ITSN1: variants seen among roughly 807,000 people sequenced by gnomAD.
The protein encoded by ITSN1 is intersectin 1.
A neutral mutation model predicts 239.8 loss-of-function variants in ITSN1; 58 were observed. The ratio of observed to expected loss-of-function variants is 0.24; its 90% CI spans 0.20 to 0.30. The LOEUF (loss-of-function observed/expected upper bound fraction) is 0.30. ITSN1 is among the 10% of genes least tolerant of loss of function. The probability of loss-of-function intolerance (pLI) is 1.00; values close to 1 mark genes in which losing one functional copy is unlikely to be tolerated. For synonymous variants in ITSN1, 780 were observed against 770.8 expected, an observed-to-expected ratio of 1.01 and a Z score of -0.20; for missense variants, 1,558 against 2,103.3, an observed-to-expected ratio of 0.74 and a Z score of 5.07.
At chr21:33,813,823 CTTT>C (rs764000502) in intron 21 of ITSN1, 87 bp from the exon 22 acceptor site, 344 of 928,842 alleles carry the variant, frequency 3.7e-4, no homozygotes, top group South Asian at 7.2e-4. Context: ...GGAGTGCTTG[CTTT>C]TTTTTTTTTT....
intron 27 of ITSN1, among the ~76,000 whole-genome samples, chr21:33,831,124 T>C (rs1302027568): frequency 6.6e-6 from 1 of 152,166 alleles, no homozygotes; most frequent in East Asian, 1.9e-4. Flanking sequence ...ATACAGAAAG[T>C]GTGTCTCCCT....
At position 33,818,498 on chromosome 21, in the gene ITSN1, T is replaced by C. The variant is rs2236613; in HGVS notation, c.2933+26T>C. The C allele has an allele frequency of 0.097, 152,159 of 1,567,004 alleles. 10,104 individuals carry two copies. The highest frequency in any genetic ancestry group is 0.28 in the Admixed American group (16,613 of 59,932). ...GTATTTTTGTATTTATCTGCTTGTA[T>C]TTGATGAAAACAATATTAGGCGTTA... On this transcript the variant is annotated intron_variant, in intron 23 of 39. Coordinates refer to ENST00000381318, the MANE Select transcript of ITSN1 (RefSeq NM_003024.3).
chr21:33,819,486 TG>T (rs1159503983), intron 24 of ITSN1, among the ~76,000 whole-genome samples, 163 bp downstream of exon 24: 2 of 152,244 alleles, frequency 1.3e-5, no homozygotes, highest in African/African-American at 2.4e-5. Context: ...GAGTACTTCA[TG>T]GAAAATACTG....
At chr21:33,672,937 C>G (rs1470101282) in intron 1 of ITSN1, among the ~76,000 whole-genome samples, 2 of 152,196 alleles carry the variant, frequency 1.3e-5, no homozygotes, top group Non-Finnish European at 2.9e-5. Flanking sequence ...GTCTCGATCT[C>G]TTGACCTCGT....
intron 5 of ITSN1, chr21:33,735,562 T>G: frequency 3.7e-6 from 1 of 270,050 alleles, no homozygotes; most frequent in Non-Finnish European, 7.1e-6. Context: ...AATGTCTGTT[T>G]CTCCTTGTGC....
intron 1 of ITSN1, among the ~76,000 whole-genome samples, chr21:33,658,491 G>A (rs2089276437): frequency 6.6e-6 from 1 of 152,200 alleles, no homozygotes; most frequent in South Asian, 2.1e-4. Flanking sequence ...TGTAACACAA[G>A]TATTTACAGT....
At position 33,818,233 on chromosome 21, in the gene ITSN1, A is replaced by G. The variant is rs770325184; in HGVS notation, c.2728-34A>G. 5.0e-6 allele frequency: 8 copies of G among 1,588,352 alleles called. No homozygotes were observed. The African/African-American group carries it at 5.4e-5, about 11-fold the overall frequency. On this transcript the variant is annotated intron_variant, in intron 22 of 39. Transcript: ENST00000381318. ...GCCCTAATTGATAACAAAGCGCAAC[A>G]TAACGAGAGGTCCTTTATGTTATTC...
At chr21:33,830,905 G>A (rs1182599363) in intron 27 of ITSN1, among the ~76,000 whole-genome samples, 2 of 148,470 alleles carry the variant, frequency 1.3e-5, no homozygotes, top group African/African-American at 2.5e-5. Context: ...AGGGTGGGGG[G>A]GGAGGGAGGG....
intron 1 of ITSN1, among the ~76,000 whole-genome samples, chr21:33,706,924 T>C (rs2092270343): frequency 6.6e-6 from 1 of 152,166 alleles, no homozygotes; most frequent in South Asian, 2.1e-4. Flanking sequence ...GGTTTCACCA[T>C]GTTAGCCAGG....
chr21:33,818,516 A>G, intron 23 of ITSN1, 44 bp downstream of exon 23: 2 of 1,491,086 alleles, frequency 1.3e-6, no homozygotes, highest in Non-Finnish European at 1.9e-6. Context: ...AAACAATATT[A>G]GGCGTTATAT....
At chr21:33,826,416 C>T (rs2073974942) in intron 25 of ITSN1, among the ~76,000 whole-genome samples, 2 of 152,100 alleles carry the variant, frequency 1.3e-5, no homozygotes, top group African/African-American at 4.8e-5. Context: ...GAGTTATATT[C>T]CCTGTACTTT....
intron 4 of ITSN1, among the ~76,000 whole-genome samples, chr21:33,733,267 A>G (rs934835699): frequency 1.1e-4 from 16 of 152,204 alleles, no homozygotes; most frequent in African/African-American, 3.9e-4. Context: ...GATACATGAT[A>G]AAAATGTATA....
At chr21:33,755,202 A>T (rs1243027300) in intron 7 of ITSN1, 95 bp from the exon 8 acceptor site, 7 of 566,734 alleles carry the variant, frequency 1.2e-5, no homozygotes, top group Non-Finnish European at 2.1e-5. Flanking sequence ...AGAGATGATT[A>T]TCTAGAGAAG....
intron 1 of ITSN1, among the ~76,000 whole-genome samples, chr21:33,717,864 G>A (rs913604118): frequency 6.6e-5 from 10 of 152,182 alleles, no homozygotes; most frequent in Admixed American, 6.5e-5. Flanking sequence ...ACTGCGCCCG[G>A]CCCTAAATCT....
chr21:33,643,358 C>T (rs1378305554), intron 1 of ITSN1: 3 of 152,366 alleles, frequency 2.0e-5, no homozygotes, highest in South Asian at 2.1e-4. Flanking sequence ...CGCGTCCCTT[C>T]CCTTCTTACG....
intron 8 of ITSN1, among the ~76,000 whole-genome samples, chr21:33,761,522 G>A (rs2068326808): frequency 1.3e-5 from 2 of 152,048 alleles, no homozygotes; most frequent in Non-Finnish European, 2.9e-5. Context: ...CTGAGGTTGA[G>A]CAGGGTGGAG....
intron 1 of ITSN1, among the ~76,000 whole-genome samples, chr21:33,685,311 G>A (rs1050950903): frequency 6.6e-6 from 1 of 152,102 alleles, no homozygotes; most frequent in African/African-American, 2.4e-5. Flanking sequence ...CTTTTAAATA[G>A]GGACGTATTT....
intron 9 of ITSN1, among the ~76,000 whole-genome samples, chr21:33,765,645 GA>G (rs2068667900): frequency 6.6e-6 from 1 of 152,180 alleles, no homozygotes. Context: ...AAAGGTTGGG[GA>G]AGAGTATCAT....
chr21:33,807,735 G>A (rs530914527), intron 20 of ITSN1, among the ~76,000 whole-genome samples: 133 of 152,316 alleles, frequency 8.7e-4, no homozygotes, highest in Non-Finnish European at 1.4e-3. Flanking sequence ...ATGAGCAGAC[G>A]AGTAGGAGTT....
Sources: allele counts gnomAD v4.1 joint callset (sites outside exome capture counted in the v4.1 genomes callset), GRCh38; gene constraint gnomAD v4.1.1; transcripts MANE v1.5; gene names NCBI Gene and HGNC (gene_info 2026-07-23, HGNC 2026-07-21).